The following CIROZ variants were observed in gnomAD, a reference collection of about 807,000 sequenced individuals.
CIROZ encodes the protein ciliated left-right organizer ZP-N domains-containing protein.
chr1:10,971,814 G>C, the CIROZ span, among the ~76,000 whole-genome samples: 5 of 152,192 alleles, frequency 3.3e-5, no homozygotes, highest in Non-Finnish European at 7.3e-5. Context: ...CTATCCCCAG[G>C]GTCCTCCCAT....
the CIROZ span, chr1:10,948,192 G>A: frequency 1.2e-6 from 2 of 1,613,834 alleles, no homozygotes; most frequent in Non-Finnish European, 1.7e-6. Context: ...GTCCTGGCTT[G>A]GTTCTGAGGA....
the CIROZ span, among the ~76,000 whole-genome samples, chr1:10,977,020 A>G: frequency 6.6e-6 from 1 of 151,940 alleles, no homozygotes; most frequent in African/African-American, 2.4e-5. Context: ...TTAGCTGGGC[A>G]TGGTGGCGCA....
the CIROZ span, among the ~76,000 whole-genome samples, chr1:10,981,079 C>A: frequency 6.6e-6 from 1 of 152,248 alleles, no homozygotes; most frequent in Non-Finnish European, 1.5e-5. Context: ...ACTTCCCACT[C>A]TCAGGAGCTT....
the CIROZ span, among the ~76,000 whole-genome samples, chr1:10,973,959 C>CCCT: frequency 1.6e-4 from 23 of 144,516 alleles, 1 homozygote; most frequent in African/African-American, 5.8e-4. Context: ...AGGAAGGACC[C>CCCT]CCCCCACCAA....
At chr1:10,957,806 T>C in the CIROZ span, 4 of 1,569,360 alleles carry the variant, frequency 2.5e-6, 1 homozygote, top group Middle Eastern at 6.8e-4. Flanking sequence ...GCACGGTCAC[T>C]AGGGGTTACG....
chr1:10,962,938 A>G, the CIROZ span, among the ~76,000 whole-genome samples: 7 of 152,150 alleles, frequency 4.6e-5, no homozygotes, highest in Admixed American at 2.6e-4. Context: ...TGGGCAACAC[A>G]GTGAGACGCC....
chr1:10,949,179 G>C, the CIROZ span: 1 of 247,954 alleles, frequency 4.0e-6, no homozygotes, highest in African/African-American at 2.3e-5. Context: ...AGCCAAGATC[G>C]TGCCACTGGA....
the CIROZ span, chr1:10,955,312 T>C: frequency 2.5e-6 from 2 of 797,082 alleles, no homozygotes; most frequent in Non-Finnish European, 3.8e-6. Context: ...CCCCAGTCAG[T>C]GACAGCAAGT....
At chr1:10,971,018 G>A in the CIROZ span, among the ~76,000 whole-genome samples, 1 of 140,312 alleles carries the variant, frequency 7.1e-6, no homozygotes, top group Non-Finnish European at 1.5e-5. Flanking sequence ...GGAGCATCGT[G>A]GTGCATGCCT....
At chr1:10,954,963 G>C in the CIROZ span, 1 of 1,576,936 alleles carries the variant, frequency 6.3e-7, no homozygotes, top group Non-Finnish European at 8.7e-7. Flanking sequence ...GAGAAGGGGC[G>C]AGACAGAGAT....
the CIROZ span, among the ~76,000 whole-genome samples, chr1:10,973,644 C>G: frequency 6.6e-6 from 1 of 152,074 alleles, no homozygotes; most frequent in Admixed American, 6.5e-5. Flanking sequence ...TGGCTGGGGT[C>G]GAACACTCTA....
the CIROZ span, among the ~76,000 whole-genome samples, chr1:10,976,659 T>C: frequency 2.7e-5 from 4 of 150,020 alleles, no homozygotes; most frequent in African/African-American, 9.8e-5. Flanking sequence ...CCACTCGTTA[T>C]ATTTCTTTTG....
chr1:10,962,301 G>T, the CIROZ span, among the ~76,000 whole-genome samples: 1 of 152,018 alleles, frequency 6.6e-6, no homozygotes, highest in African/African-American at 2.4e-5. Context: ...TAAAAAATTA[G>T]CCGAGTATGG....
chr1:10,978,402 A>T, the CIROZ span, among the ~76,000 whole-genome samples: 1 of 151,388 alleles, frequency 6.6e-6, no homozygotes, highest in Non-Finnish European at 1.5e-5. Flanking sequence ...AGTTGAACCA[A>T]GATGGTATGT....
the CIROZ span, chr1:10,954,058 G>A: frequency 6.2e-7 from 1 of 1,613,610 alleles, no homozygotes; most frequent in African/African-American, 1.3e-5. Context: ...CAGAGGACCG[G>A]GGCAGCCATC....
chr1:10,958,398 C>T, the CIROZ span, among the ~76,000 whole-genome samples: 1 of 152,262 alleles, frequency 6.6e-6, no homozygotes, highest in Non-Finnish European at 1.5e-5. Context: ...AACAAGCTCC[C>T]TGTCACTGGA....
chr1:10,972,012 A>G, the CIROZ span, among the ~76,000 whole-genome samples: 1 of 152,340 alleles, frequency 6.6e-6, no homozygotes, highest in East Asian at 1.9e-4. Context: ...TAACCTGTTC[A>G]CCATGGCATC....
At chr1:10,969,817 C>A in the CIROZ span, among the ~76,000 whole-genome samples, 1 of 152,182 alleles carries the variant, frequency 6.6e-6, no homozygotes, top group East Asian at 1.9e-4. Context: ...CTTTAGAGAG[C>A]CTGGAAGGGC....
At chr1:10,953,905 G>C in the CIROZ span, 3 of 1,417,330 alleles carry the variant, frequency 2.1e-6, 1 homozygote, top group Non-Finnish European at 9.4e-7. Flanking sequence ...GGGATCTGTC[G>C]GGTCCAGGGA....
Sources: allele counts gnomAD v4.1 joint callset (sites outside exome capture counted in the v4.1 genomes callset), GRCh38; gene constraint gnomAD v4.1.1; transcripts MANE v1.5; gene names NCBI Gene and HGNC (gene_info 2026-07-23, HGNC 2026-07-21).